The following CSGALNACT1 variants were observed in gnomAD, a reference collection of about 807,000 sequenced individuals.
CSGALNACT1 encodes the protein beta4GalNAcT-1.
Under a neutral mutation model 51.0 loss-of-function variants are expected in CSGALNACT1, and 52 were observed. That is an observed-to-expected ratio of 1.02 (90% CI 0.82 to 1.29). CSGALNACT1 has a LOEUF of 1.29. CSGALNACT1 is among the 50% of genes most tolerant of loss of function. The probability of loss-of-function intolerance (pLI) is 0.00; values close to 1 mark genes in which losing one functional copy is unlikely to be tolerated. For missense variants in CSGALNACT1, 935 were observed against 679.2 expected, an observed-to-expected ratio of 1.38 and a Z score of -4.19; for synonymous variants, 341 against 254.4, an observed-to-expected ratio of 1.34 and a Z score of -3.24.
chr8:19,619,010 G>A (rs569897879), intron 1 of CSGALNACT1, among the ~76,000 whole-genome samples: 2 of 152,066 alleles, frequency 1.3e-5, no homozygotes, highest in African/African-American at 4.8e-5. Context: ...GAACTGTCAG[G>A]CTCTATGATG....
At chr8:19,609,401 C>T (rs780028841) in intron 1 of CSGALNACT1, among the ~76,000 whole-genome samples, 27 of 149,024 alleles carry the variant, frequency 1.8e-4, no homozygotes, top group Non-Finnish European at 3.3e-4. Flanking sequence ...CAGATGTTTC[C>T]TCAATAAATA....
intron 6 of CSGALNACT1, among the ~76,000 whole-genome samples, chr8:19,432,731 C>A (rs1031917049): frequency 6.6e-6 from 1 of 151,944 alleles, no homozygotes; most frequent in Admixed American, 6.6e-5. Flanking sequence ...ATTAATTTTT[C>A]GTTTTTGTTA....
At chr8:19,580,751 A>AT (rs1255058073) in intron 3 of CSGALNACT1, among the ~76,000 whole-genome samples, 1 of 152,234 alleles carries the variant, frequency 6.6e-6, no homozygotes, top group East Asian at 1.9e-4. Context: ...TCAAAATAGC[A>AT]TTTTACTATA....
chr8:19,432,546 C>T (rs1475062391), intron 6 of CSGALNACT1, among the ~76,000 whole-genome samples: 2 of 152,054 alleles, frequency 1.3e-5, no homozygotes, highest in Admixed American at 6.6e-5. Flanking sequence ...TTCTTGACTC[C>T]CATTATTCAT....
intron 4 of CSGALNACT1, among the ~76,000 whole-genome samples, chr8:19,460,456 G>T (rs1294424345): frequency 6.6e-6 from 1 of 152,132 alleles, no homozygotes; most frequent in Non-Finnish European, 1.5e-5. Flanking sequence ...CTATGCTTCT[G>T]GGCATCCACT....
intron 5 of CSGALNACT1, among the ~76,000 whole-genome samples, chr8:19,454,354 G>T (rs2063706200): frequency 6.6e-6 from 1 of 152,196 alleles, no homozygotes; most frequent in South Asian, 2.1e-4. Context: ...AGAATGTAAA[G>T]GTTGTAACCC....
At position 19,468,932 on chromosome 8, in the gene CSGALNACT1, C is replaced by A. The variant is rs4921647; in HGVS notation, c.635-10290G>T. ...GATGCAGGCTCAGGATATGCCAAAC[C>A]TTCAGGTGCACAGTGCATGGATGTG... On this transcript the variant is annotated intron_variant, in intron 4 of 9. Coordinates refer to ENST00000454498, the Ensembl canonical transcript of CSGALNACT1. 4.6e-5 allele frequency among the ~76,000 whole-genome samples: 7 copies of A among 151,878 alleles called. No individual in the cohort carries two copies. In the South Asian group the frequency reaches 1.5e-3, roughly 32 times the overall value.
intron 3 of CSGALNACT1, among the ~76,000 whole-genome samples, chr8:19,528,243 C>G (rs1301576455): frequency 6.6e-6 from 1 of 151,878 alleles, no homozygotes; most frequent in Non-Finnish European, 1.5e-5. Context: ...TGCCCGAACA[C>G]CATTTTCCGA....
chr8:19,679,051 A>C (rs1468922572), intron 1 of CSGALNACT1, among the ~76,000 whole-genome samples: 2 of 152,222 alleles, frequency 1.3e-5, no homozygotes. Context: ...AACGTTATGC[A>C]ATCAATAGTG....
At chr8:19,711,487 CTATT>C (rs1401352518) in intron 1 of CSGALNACT1, among the ~76,000 whole-genome samples, 1 of 152,174 alleles carries the variant, frequency 6.6e-6, no homozygotes, top group Admixed American at 6.5e-5. Flanking sequence ...AGCGTGGCGT[CTATT>C]TAAGGGAACA....
At chr8:19,706,634 T>A (rs2062183161) in intron 1 of CSGALNACT1, among the ~76,000 whole-genome samples, 1 of 152,152 alleles carries the variant, frequency 6.6e-6, no homozygotes, top group Non-Finnish European at 1.5e-5. Flanking sequence ...ATGTTGGCAG[T>A]GGGATACCTA....
chr8:19,420,441 G>A, exon 7 of CSGALNACT1: 1 of 1,614,138 alleles, frequency 6.2e-7, no homozygotes, highest in Non-Finnish European at 8.5e-7. Context: ...CCAGAAGCGG[G>A]CTCCAACATC....
chr8:19,509,507 A>C (rs1047475060), intron 3 of CSGALNACT1, among the ~76,000 whole-genome samples: 1 of 151,438 alleles, frequency 6.6e-6, no homozygotes, highest in Non-Finnish European at 1.5e-5. Flanking sequence ...CTGTAATCCT[A>C]GCTAATGTGG....
chr8:19,711,090 T>G (rs1045004001), intron 1 of CSGALNACT1, among the ~76,000 whole-genome samples: 4 of 152,202 alleles, frequency 2.6e-5, no homozygotes, highest in African/African-American at 4.8e-5. Flanking sequence ...ATTTATGCTT[T>G]AAATATAAAT....
At chr8:19,420,420 T>C (rs2057728556) in exon 7 of CSGALNACT1, 3 of 1,614,052 alleles carry the variant, frequency 1.9e-6, no homozygotes, top group Admixed American at 1.7e-5. Context: ...GAGAAGGACG[T>C]TGCTTCCCTT....
chr8:19,579,342 G>C (rs904952578), intron 3 of CSGALNACT1, among the ~76,000 whole-genome samples: 3 of 152,216 alleles, frequency 2.0e-5, no homozygotes, highest in African/African-American at 7.2e-5. Context: ...TTGGCTGACA[G>C]GGTCTGCAGC....
chr8:19,688,217 T>C (rs2061086509), intron 1 of CSGALNACT1, among the ~76,000 whole-genome samples: 1 of 152,116 alleles, frequency 6.6e-6, no homozygotes, highest in Non-Finnish European at 1.5e-5. Context: ...CTTTCCTCAA[T>C]GGGTAATTTA....
At chr8:19,704,133 T>C (rs1025067373) in intron 1 of CSGALNACT1, among the ~76,000 whole-genome samples, 2 of 152,228 alleles carry the variant, frequency 1.3e-5, no homozygotes, top group African/African-American at 4.8e-5. Context: ...CATAATTACA[T>C]GGATCATTCT....
intron 3 of CSGALNACT1, among the ~76,000 whole-genome samples, chr8:19,507,915 C>T (rs1180238977): frequency 6.6e-6 from 1 of 152,252 alleles, no homozygotes; most frequent in African/African-American, 2.4e-5. Flanking sequence ...GCGTGAGCCG[C>T]CGTGCCCGGC....
Sources: allele counts gnomAD v4.1 joint callset (sites outside exome capture counted in the v4.1 genomes callset), GRCh38; gene constraint gnomAD v4.1.1; transcripts MANE v1.5; gene names NCBI Gene and HGNC (gene_info 2026-07-23, HGNC 2026-07-21).